The following GRIK1 variants were observed in gnomAD, a reference collection of about 807,000 sequenced individuals.
The protein encoded by GRIK1 is glutamate receptor ionotropic, kainate 1.
Under a neutral mutation model 105.7 loss-of-function variants are expected in GRIK1, and 69 were observed. The ratio of observed to expected loss-of-function variants is 0.65; its 90% CI spans 0.54 to 0.80. GRIK1 has a LOEUF of 0.80. Ranked by LOEUF, GRIK1 falls within the 30% of genes least tolerant of loss-of-function variation. The pLI is 0.00. For missense variants in GRIK1, 1,109 were observed against 1,167.3 expected (o/e 0.95, Z 0.73); for synonymous variants, 438 against 431.3 (o/e 1.02, Z -0.19).
chr21:29,691,063 C>T (rs2063575815), intron 2 of GRIK1, among the ~76,000 whole-genome samples: 1 of 152,080 alleles, frequency 6.6e-6, no homozygotes, highest in African/African-American at 2.4e-5. Flanking sequence ...GTAATCCCAG[C>T]ACTTTGGGAG....
chr21:29,848,787 T>TTTTTTTTCCACGA (rs1378754598), intron 1 of GRIK1, among the ~76,000 whole-genome samples: 1 of 117,182 alleles, frequency 8.5e-6, no homozygotes, highest in Non-Finnish European at 1.8e-5. Context: ...ATATTTTTTT[T>TTTTTTTTCCACGA]TTTTTCCACG....
At chr21:29,560,942 T>C (rs2090465651) in intron 15 of GRIK1, among the ~76,000 whole-genome samples, 1 of 151,764 alleles carries the variant, frequency 6.6e-6, no homozygotes, top group Admixed American at 6.6e-5. Context: ...AGAGAGGGAG[T>C]TTTCTATGGA....
At chr21:29,629,768 C>T (rs1186534675) in intron 7 of GRIK1, among the ~76,000 whole-genome samples, 1 of 152,126 alleles carries the variant, frequency 6.6e-6, no homozygotes, top group South Asian at 2.1e-4. Flanking sequence ...GGATTACAGG[C>T]GTGAGCCACC....
At chr21:29,624,836 G>C (rs2062085844) in intron 7 of GRIK1, among the ~76,000 whole-genome samples, 1 of 152,250 alleles carries the variant, frequency 6.6e-6, no homozygotes, top group African/African-American at 2.4e-5. Flanking sequence ...TGTGAGGTTA[G>C]TGGAGAGGGC....
At chr21:29,695,444 C>G (rs1161252862) in intron 1 of GRIK1, among the ~76,000 whole-genome samples, 2 of 132,302 alleles carry the variant, frequency 1.5e-5, no homozygotes, top group Non-Finnish European at 3.3e-5. Flanking sequence ...CAATATCTAT[C>G]TATCTATCTA....
chr21:29,842,248 C>G (rs2146006869), intron 1 of GRIK1, among the ~76,000 whole-genome samples: 1 of 152,006 alleles, frequency 6.6e-6, no homozygotes, highest in South Asian at 2.1e-4. Flanking sequence ...AAAAGACAAC[C>G]AGAAATGTAA....
chr21:29,661,944 G>T (rs957712255), intron 4 of GRIK1, among the ~76,000 whole-genome samples: 31 of 152,282 alleles, frequency 2.0e-4, no homozygotes, highest in African/African-American at 7.2e-4. Context: ...TTTTTCCTTG[G>T]ATTTGAAAAC....
intron 14 of GRIK1, among the ~76,000 whole-genome samples, chr21:29,570,184 G>A (rs553949994): frequency 6.6e-6 from 1 of 152,214 alleles, no homozygotes; most frequent in African/African-American, 2.4e-5. Context: ...ATGTCAAGCA[G>A]AAATGAGAGG....
intron 14 of GRIK1, among the ~76,000 whole-genome samples, chr21:29,567,702 C>T (rs1388891450): frequency 6.6e-6 from 1 of 152,162 alleles, no homozygotes; most frequent in Non-Finnish European, 1.5e-5. Flanking sequence ...AAGACATAGA[C>T]ATTGGCTATG....
At chr21:29,653,075 G>A (rs557561368) in intron 5 of GRIK1, among the ~76,000 whole-genome samples, 1 of 152,106 alleles carries the variant, frequency 6.6e-6, no homozygotes, top group Admixed American at 6.5e-5. Context: ...TAATACTCAT[G>A]GGCAAGAATG....
chr21:29,715,938 TGTA>T lies in GRIK1; in HGVS notation c.119-21878_119-21876del, dbSNP rs577872625. 3.4e-4 allele frequency among the ~76,000 whole-genome samples: 51 copies of T among 152,174 alleles called. No individual in the cohort carries two copies. The South Asian group carries it at 0.01, about 31-fold the overall frequency. On this transcript the variant is annotated intron_variant, in intron 1 of 17. Transcript: ENST00000327783. ...TCCCCACCCATATCTCATCATGAAT[TGTA>T]GTTCCCATAATCCCTATGTGTGGTG...
chr21:29,933,332 G>A (rs983491862), intron 1 of GRIK1, among the ~76,000 whole-genome samples: 27 of 152,220 alleles, frequency 1.8e-4, no homozygotes, highest in Admixed American at 1.6e-3. Context: ...AAATTGCAGT[G>A]GTGTTACTGG....
At chr21:29,575,762 G>A (rs569439362) in intron 14 of GRIK1, among the ~76,000 whole-genome samples, 55 of 152,302 alleles carry the variant, frequency 3.6e-4, no homozygotes, top group Non-Finnish European at 7.2e-4. Context: ...AACCCGGAGG[G>A]TGGAGGTTGC....
At position 29,537,287 on chromosome 21, in the gene GRIK1, G is replaced by A; in HGVS notation, c.2793C>T (p.Phe931=). Residue 931 remains phenylalanine, a synonymous_variant, in exon 18 of 18, where the codon TTC becomes TTT. Transcript: ENST00000327783. ...KKSRTKGKSS[F]TSILTCHQRR... ...TCTGATGACAAGTAAGGATACTTGTGAAGGAAGATTTCCCCTTAGTTCTTG... is the reference window on the plus strand; with the variant it reads ...TCTGATGACAAGTAAGGATACTTGTAAAGGAAGATTTCCCCTTAGTTCTTG... 6.2e-7 allele frequency: 1 copy of A among 1,610,680 alleles called. No individual in the cohort carries two copies. The highest frequency in any genetic ancestry group is 8.5e-7 in the Non-Finnish European group (1 of 1,177,268).
At chr21:29,622,631 C>T (rs946210379) in intron 7 of GRIK1, among the ~76,000 whole-genome samples, 6 of 152,090 alleles carry the variant, frequency 3.9e-5, no homozygotes, top group Admixed American at 2.0e-4. Flanking sequence ...ATGCTAGCCT[C>T]CTAGGGGGAC....
chr21:29,658,358 G>A (rs2062895147), intron 4 of GRIK1, among the ~76,000 whole-genome samples: 1 of 152,166 alleles, frequency 6.6e-6, no homozygotes, highest in Admixed American at 6.5e-5. Flanking sequence ...TGCCTCCTGA[G>A]TTCAAGCGAT....
intron 1 of GRIK1, among the ~76,000 whole-genome samples, chr21:29,852,744 T>C (rs1047468474): frequency 4.6e-5 from 7 of 152,242 alleles, no homozygotes; most frequent in African/African-American, 1.7e-4. Context: ...TATAGGAGAA[T>C]ATTTTCTTAT....
Position 29,642,986 on chromosome 21 carries a change from A to C in GRIK1, c.955-17T>G, listed in dbSNP as rs1239069857. On this transcript the variant is annotated splice_polypyrimidine_tract_variant and intron_variant, in intron 6 of 17. Transcript: ENST00000327783. ...CGCTTCAGTCTGTGGAGGAAAACAC[A>C]CACCGCATCTTAAATTCCACTTTTG... 1 of 1,608,432 alleles carries C rather than the reference A, an allele frequency of 6.2e-7. No homozygotes were observed. Among genetic ancestry groups the C allele is most frequent in the Admixed American group, 1.7e-5 (1 of 59,374 alleles).
rs185508579 is a variant in GRIK1, at chr21:29,688,498, A to C, written c.544+1230T>G. On this transcript the variant is annotated intron_variant, in intron 3 of 17. Transcript: ENST00000327783. ...TATTACAAAATGTGTAGATCAAGGA[A>C]AGCAACTCATTTCAACTCTTGGAGA... Among the ~76,000 whole-genome samples, 12 of 99,376 alleles carry C rather than the reference A, an allele frequency of 1.2e-4. No homozygotes were observed. In the East Asian group the frequency reaches 1.4e-3, roughly 12 times the overall value. 65.2% of individuals were successfully genotyped at this position (99,376 alleles called of 152,430 possible).
Sources: allele counts gnomAD v4.1 joint callset (sites outside exome capture counted in the v4.1 genomes callset), GRCh38; gene constraint gnomAD v4.1.1; transcripts MANE v1.5; gene names NCBI Gene and HGNC (gene_info 2026-07-23, HGNC 2026-07-21).